Variants in KCNJ16 observed in about 807,000 individuals in gnomAD.
KCNJ16 encodes the protein potassium inwardly rectifying channel subfamily J member 16.
In KCNJ16, 15 loss-of-function variants were observed where a neutral mutation model predicts 18.5. The observed-to-expected ratio is 0.81, with a 90% CI of 0.54 to 1.25. The LOEUF (loss-of-function observed/expected upper bound fraction) is 1.25. Among genes scored for constraint, KCNJ16 ranks in the 50% most tolerant of loss-of-function variants. The probability of loss-of-function intolerance (pLI) is 0.00; values close to 1 mark genes in which losing one functional copy is unlikely to be tolerated. For synonymous variants in KCNJ16, 174 were observed against 186.5 expected (o/e 0.93, Z 0.55); for missense variants, 523 against 525.7 (o/e 0.99, Z 0.05).
intron 2 of KCNJ16, among the ~76,000 whole-genome samples, chr17:70,113,778 T>A (rs1291383848): frequency 2.0e-5 from 3 of 152,120 alleles, no homozygotes; most frequent in Admixed American, 6.6e-5. Flanking sequence ...ACAGGATGAT[T>A]CGTTATTCTT....
intron 1 of KCNJ16, among the ~76,000 whole-genome samples, chr17:70,080,855 T>C (rs2071521926): frequency 6.6e-6 from 1 of 152,198 alleles, no homozygotes; most frequent in African/African-American, 2.4e-5. Flanking sequence ...CCTGGCCTAA[T>C]GGCTGGACCT....
At chr17:70,080,415 A>T (rs724590) in intron 1 of KCNJ16, among the ~76,000 whole-genome samples, 129,983 of 152,134 alleles carry the variant, frequency 0.85, 55,641 homozygotes, top group East Asian at 0.99. Flanking sequence ...GTATGACTAT[A>T]TATCCAACAA....
At chr17:70,127,108 T>G (rs1461592257) in intron 2 of KCNJ16, among the ~76,000 whole-genome samples, 5 of 152,116 alleles carry the variant, frequency 3.3e-5, no homozygotes, top group African/African-American at 4.8e-5. Context: ...AATTGTAAAG[T>G]TATATCAGGA....
At chr17:70,103,488 A>T (rs994654728) in intron 2 of KCNJ16, among the ~76,000 whole-genome samples, 8 of 151,482 alleles carry the variant, frequency 5.3e-5, no homozygotes. Context: ...TGCTTGTAAC[A>T]CTTTCTTTAC....
chr17:70,075,650 C>G (rs1033496009), intron 1 of KCNJ16, among the ~76,000 whole-genome samples: 1 of 152,116 alleles, frequency 6.6e-6, no homozygotes, highest in South Asian at 2.1e-4. Flanking sequence ...GTTAAACAGC[C>G]CTTGCCTGCT....
At chr17:70,086,991 C>T (rs1479382956) in intron 1 of KCNJ16, among the ~76,000 whole-genome samples, 2 of 151,846 alleles carry the variant, frequency 1.3e-5, no homozygotes, top group African/African-American at 4.8e-5. Context: ...CTCCACCTCC[C>T]GGGTTCAAGA....
intron 1 of KCNJ16, among the ~76,000 whole-genome samples, chr17:70,089,624 C>A (rs1463092607): frequency 1.3e-5 from 2 of 152,156 alleles, no homozygotes; most frequent in Non-Finnish European, 2.9e-5. Context: ...TAGTCTATAA[C>A]CCGAGGGCAC....
At chr17:70,092,499 T>C (rs931129864) in intron 1 of KCNJ16, among the ~76,000 whole-genome samples, 19 of 37,108 alleles carry the variant, frequency 5.1e-4, no homozygotes, top group African/African-American at 1.6e-3. Flanking sequence ...AATAGATAGA[T>C]AGATAGATAG....
At chr17:70,104,625 C>T (rs1221258117) in intron 2 of KCNJ16, among the ~76,000 whole-genome samples, 3 of 152,148 alleles carry the variant, frequency 2.0e-5, no homozygotes, top group Admixed American at 2.0e-4. Context: ...TGCAGCCTTC[C>T]AGGACAATAA....
chr17:70,120,388 C>A (rs940280505), intron 2 of KCNJ16, among the ~76,000 whole-genome samples: 1 of 152,172 alleles, frequency 6.6e-6, no homozygotes, highest in Non-Finnish European at 1.5e-5. Flanking sequence ...TTTCACGTGT[C>A]TTTGTAGCAA....
intron 1 of KCNJ16, among the ~76,000 whole-genome samples, chr17:70,087,726 A>G (rs534999722): frequency 1.6e-4 from 25 of 152,188 alleles, no homozygotes; most frequent in African/African-American, 4.8e-4. Context: ...AAATAAATAA[A>G]TAATAAAATG....
At chr17:70,075,800 T>C (rs1191078732) in intron 1 of KCNJ16, among the ~76,000 whole-genome samples, 1 of 150,700 alleles carries the variant, frequency 6.6e-6, no homozygotes, top group African/African-American at 2.4e-5. Flanking sequence ...AATATGTATT[T>C]TATACCCCCC....
At chr17:70,076,592 C>T (rs1289028662) in intron 1 of KCNJ16, among the ~76,000 whole-genome samples, 1 of 152,042 alleles carries the variant, frequency 6.6e-6, no homozygotes, top group Non-Finnish European at 1.5e-5. Context: ...TTTGAAACTG[C>T]AAGAAAAGAC....
intron 1 of KCNJ16, among the ~76,000 whole-genome samples, chr17:70,093,815 A>G (rs1002341220): frequency 2.6e-5 from 4 of 152,094 alleles, no homozygotes; most frequent in African/African-American, 9.7e-5. Context: ...TATTATTTAA[A>G]TCTTTCATTC....
In KCNJ16 at chr17:70,134,978, C is replaced by G. The variant is rs2074177812; in HGVS notation, c.*1634C>G. ...CTTCCTTCCTTTCTTCCCTCCTCCC[C>G]CTCATCCTTCCCTTTCTCCTTCTTT... On this transcript the variant is annotated 3_prime_UTR_variant, in exon 4 of 4. Coordinates refer to ENST00000392671, the MANE Select transcript of KCNJ16 (RefSeq NM_170741.4). The G allele has an allele frequency of 6.2e-6, 1 of 161,520 alleles. No homozygotes were observed. The highest frequency in any genetic ancestry group is 2.5e-5 in the African/African-American group (1 of 40,654). The allele number at this position is 161,520 out of a possible 1,614,324, so 10.0% of individuals were successfully genotyped here.
intron 2 of KCNJ16, among the ~76,000 whole-genome samples, chr17:70,108,666 G>T (rs2073043846): frequency 6.6e-6 from 1 of 152,028 alleles, no homozygotes; most frequent in Non-Finnish European, 1.5e-5. Context: ...TTTCAGATGT[G>T]AAATATCTCC....
intron 2 of KCNJ16, chr17:70,108,402 A>G (rs1189268098): frequency 6.6e-6 from 1 of 152,156 alleles, no homozygotes; most frequent in African/African-American, 2.4e-5. Flanking sequence ...ATGGGCTGAC[A>G]TGAGGGGTAA....
At chr17:70,105,300 A>G (rs992885717) in intron 2 of KCNJ16, among the ~76,000 whole-genome samples, 3 of 152,156 alleles carry the variant, frequency 2.0e-5, no homozygotes, top group Admixed American at 2.0e-4. Flanking sequence ...TAAAAATGTC[A>G]GTGCCATTTG....
intron 2 of KCNJ16, chr17:70,105,073 A>G (rs924931962): frequency 4.6e-5 from 7 of 152,644 alleles, no homozygotes; most frequent in African/African-American, 1.7e-4. Context: ...ATCTTTCACT[A>G]AGGTAAGATC....
Sources: allele counts gnomAD v4.1 joint callset (sites outside exome capture counted in the v4.1 genomes callset), GRCh38; gene constraint gnomAD v4.1.1; transcripts MANE v1.5; gene names NCBI Gene and HGNC (gene_info 2026-07-23, HGNC 2026-07-21).